RBKS: variants seen among roughly 807,000 people sequenced by gnomAD.
The protein encoded by RBKS is ribokinase.
In RBKS, 33 loss-of-function variants were observed where a neutral mutation model predicts 33.9. That is an observed-to-expected ratio of 0.97 (90% CI 0.74 to 1.30). RBKS has a LOEUF of 1.30. Among genes scored for constraint, RBKS ranks in the 50% most tolerant of loss-of-function variants. The pLI is 0.00. For missense variants in RBKS, 361 were observed against 392.6 expected, an observed-to-expected ratio of 0.92 and a Z score of 0.68; for synonymous variants, 125 against 143.0, an observed-to-expected ratio of 0.87 and a Z score of 0.90.
intron 7 of RBKS, among the ~76,000 whole-genome samples, chr2:27,822,561 C>T (rs1387717890): frequency 6.6e-6 from 1 of 152,176 alleles, no homozygotes; most frequent in Non-Finnish European, 1.5e-5. Flanking sequence ...CCAGCAATCA[C>T]CTCATCCTAA....
chr2:27,860,994 G>A (rs1360438111), intron 1 of RBKS, among the ~76,000 whole-genome samples: 2 of 150,358 alleles, frequency 1.3e-5, no homozygotes, highest in African/African-American at 2.5e-5. Flanking sequence ...TTTAAACAGA[G>A]TCTCTCTCTG....
intron 5 of RBKS, among the ~76,000 whole-genome samples, chr2:27,842,318 G>T (rs1265366464): frequency 1.3e-5 from 2 of 152,178 alleles, no homozygotes; most frequent in Non-Finnish European, 2.9e-5. Flanking sequence ...GAAGCTGGGT[G>T]ATGGATTTCA....
rs35205983 is a variant in RBKS at position 27,841,729 on chromosome 2, A to AACACACACACACACACACACAC, written c.514+1316_514+1337dup. Among the ~76,000 whole-genome samples the AACACACACACACACACACACAC allele has an allele frequency of 9.1e-4, 130 of 142,264 alleles. 1 individual carries two copies. The highest frequency in any genetic ancestry group is 5.4e-3 in the East Asian group (26 of 4,796). 93.3% of individuals were successfully genotyped at this position (142,264 alleles called of 152,430 possible). A position where few individuals can be genotyped will look rare whatever the true frequency, so the allele number is the denominator to read the frequency against. Reference sequence around the variant, plus strand: ...CACTTTGGGAGAAATCACTTATATAAACACACACACACACACACACACACA... The same window carrying AACACACACACACACACACACAC: ...CACTTTGGGAGAAATCACTTATATAAACACACACACACACACACACACACACACACACACACACACACACACA... On this transcript the variant is annotated intron_variant, in intron 5 of 7. Transcript: ENST00000302188.
At chr2:27,888,448 C>T (rs1664597391) in intron 1 of RBKS, among the ~76,000 whole-genome samples, 1 of 152,174 alleles carries the variant, frequency 6.6e-6, no homozygotes, top group Admixed American at 6.5e-5. Flanking sequence ...TCTTACTCTT[C>T]TGCCACTTCA....
At chr2:27,825,926 T>G (rs1678302202) in intron 7 of RBKS, among the ~76,000 whole-genome samples, 1 of 152,264 alleles carries the variant, frequency 6.6e-6, no homozygotes, top group Non-Finnish European at 1.5e-5. Flanking sequence ...CATTTTACTT[T>G]TAGCAGGAGA....
chr2:27,788,406 C>T (rs1677446052), intron 7 of RBKS, among the ~76,000 whole-genome samples: 1 of 152,204 alleles, frequency 6.6e-6, no homozygotes, highest in African/African-American at 2.4e-5. Flanking sequence ...CACAAGGTCA[C>T]TATAAAAAAC....
Position 27,890,332 on chromosome 2 carries a change from C to T in RBKS, c.14G>A (p.Gly5Glu), listed in dbSNP as rs775968520. The T allele has an allele frequency of 6.2e-7, 1 of 1,613,574 alleles. No individual in the cohort carries two copies. Among genetic ancestry groups the T allele is most frequent in the Non-Finnish European group, 8.5e-7 (1 of 1,179,986 alleles). Residue 5 changes from glycine (G) to glutamate (E), a missense_variant, in exon 1 of 8, where the codon GGG (glycine) becomes GAG (glutamate). Gly to Glu is a moderately conservative substitution (Grantham distance 98). Transcript: ENST00000302188. This position sits in a 1 kb window ranked among gnomAD's most constrained non-coding sequence, Gnocchi z 4.8. MAAS[G>E]EPQRQWQEEV... ...CTCTTGCCACTGCCTCTGGGGTTCCCCAGACGCCGCCATCGCTCAAAGGTG... is the reference window on the plus strand; with the variant it reads ...CTCTTGCCACTGCCTCTGGGGTTCCTCAGACGCCGCCATCGCTCAAAGGTG...
intron 5 of RBKS, among the ~76,000 whole-genome samples, chr2:27,835,625 A>C (rs1573054983): frequency 1.4e-5 from 2 of 138,628 alleles, no homozygotes; most frequent in Admixed American, 7.5e-5. Flanking sequence ...AGGTTTTGCC[A>C]TGTTGCCTAG....
intron 5 of RBKS, 55 bp from the exon 6 acceptor site, chr2:27,832,832 A>C (rs1380457799): frequency 8.9e-7 from 1 of 1,125,110 alleles, no homozygotes; most frequent in African/African-American, 1.5e-5. Context: ...AACATGGTGC[A>C]TTTACAGACA....
At chr2:27,807,628 T>C (rs1224432209) in intron 7 of RBKS, among the ~76,000 whole-genome samples, 2 of 152,128 alleles carry the variant, frequency 1.3e-5, no homozygotes, top group Non-Finnish European at 2.9e-5. Context: ...TGTCTTGGCC[T>C]CACAAAGTAC....
At chr2:27,847,143 G>GC in intron 3 of RBKS, 39 bp from the exon 4 acceptor site, 1 of 1,166,482 alleles carries the variant, frequency 8.6e-7, no homozygotes, top group Non-Finnish European at 1.3e-6. Flanking sequence ...ATGTATACAG[G>GC]CTGGCATGGA....
At chr2:27,829,461 C>T (rs1380086497) in intron 6 of RBKS, among the ~76,000 whole-genome samples, 2 of 149,334 alleles carry the variant, frequency 1.3e-5, no homozygotes, top group Admixed American at 6.7e-5. Flanking sequence ...CTGTGCCTCC[C>T]AGGTTCACAC....
At chr2:27,875,710 C>A (rs1175843344) in intron 1 of RBKS, among the ~76,000 whole-genome samples, 1 of 152,134 alleles carries the variant, frequency 6.6e-6, no homozygotes, top group Non-Finnish European at 1.5e-5. Flanking sequence ...TTATTTAGGG[C>A]ACTGAATCAA....
chr2:27,842,614 TCAC>T (rs1256788140), intron 5 of RBKS, among the ~76,000 whole-genome samples: 1 of 152,134 alleles, frequency 6.6e-6, no homozygotes, highest in Non-Finnish European at 1.5e-5. Context: ...AGAAAACATT[TCAC>T]CACCTAGAGT....
intron 4 of RBKS, among the ~76,000 whole-genome samples, chr2:27,843,845 C>T (rs927749810): frequency 6.6e-6 from 1 of 152,138 alleles, no homozygotes; most frequent in African/African-American, 2.4e-5. Flanking sequence ...TGTCTATAAT[C>T]CCACCTGAAT....
chr2:27,829,862 G>T (rs1678387350), intron 6 of RBKS, among the ~76,000 whole-genome samples: 1 of 152,142 alleles, frequency 6.6e-6, no homozygotes, highest in Non-Finnish European at 1.5e-5. Context: ...TCAGTTTGGG[G>T]GCCTTAAATA....
intron 7 of RBKS, among the ~76,000 whole-genome samples, chr2:27,791,647 ATATAC>A (rs1433956821): frequency 3.2e-4 from 10 of 30,866 alleles, no homozygotes; most frequent in Admixed American, 1.5e-3. Flanking sequence ...CACACACTAA[ATATAC>A]ATATACATAT....
chr2:27,875,348 G>A (rs1036812628), intron 1 of RBKS, among the ~76,000 whole-genome samples: 2 of 152,138 alleles, frequency 1.3e-5, no homozygotes, highest in Admixed American at 1.3e-4. Context: ...AGGAGTTCGA[G>A]AGCAGCCTGG....
chr2:27,796,970 T>C (rs1318309330), intron 7 of RBKS, among the ~76,000 whole-genome samples: 1 of 152,224 alleles, frequency 6.6e-6, no homozygotes, highest in East Asian at 1.9e-4. Flanking sequence ...CATGGGTTAG[T>C]TCCTTCACTG....
Sources: allele counts gnomAD v4.1 joint callset (sites outside exome capture counted in the v4.1 genomes callset), GRCh38; gene constraint gnomAD v4.1.1; non-coding constraint Gnocchi (gnomAD v3.1); transcripts MANE v1.5; gene names NCBI Gene and HGNC (gene_info 2026-07-23, HGNC 2026-07-21).